Variants in SLC46A2 observed in about 807,000 individuals in gnomAD.
SLC46A2 encodes the protein solute carrier family 46 member 2.
Under a neutral mutation model 33.1 loss-of-function variants are expected in SLC46A2, and 25 were observed. The observed-to-expected ratio is 0.76, with a 90% CI of 0.55 to 1.06. SLC46A2 has a LOEUF of 1.06. Among genes scored for constraint, SLC46A2 ranks in the 50% least tolerant of loss-of-function variants. The pLI is 0.00. For synonymous variants in SLC46A2, 254 were observed against 275.9 expected (o/e 0.92, Z 0.79); for missense variants, 622 against 621.7 (o/e 1.00, Z 0.00).
chr9:112,883,571 G>A (rs1841608823), intron 3 of SLC46A2, among the ~76,000 whole-genome samples: 1 of 151,896 alleles, frequency 6.6e-6, no homozygotes, highest in African/African-American at 2.4e-5. Context: ...CTGTTTAAGA[G>A]TTTGCTGTTA....
chr9:112,889,976 G>GT lies in SLC46A2; in HGVS notation c.705dup (p.Pro236ThrfsTer24). The GT allele has an allele frequency of 6.2e-7, 1 of 1,614,176 alleles. No homozygotes were observed. Among genetic ancestry groups the GT allele is most frequent in the African/African-American group, 1.3e-5 (1 of 75,050 alleles). ...TCCACGGCGGGGAGCTCCTGGCTGG[G>GT]TTTGGCCACCGACTCAGGGACCTTT... On this transcript the variant is annotated frameshift_variant, in exon 1 of 4. Coordinates refer to ENST00000374228, the MANE Select transcript of SLC46A2 (RefSeq NM_033051.4). LOFTEE classifies it high-confidence loss of function.
At position 112,890,589 on chromosome 9, in the gene SLC46A2, C is replaced by T. The variant is rs531041114; in HGVS notation, c.93G>A (p.Val31=). The change falls in exon 1 of 4, where the codon GTG becomes GTA. Residue 31 remains valine, a synonymous_variant. Coordinates refer to ENST00000374228, the MANE Select transcript of SLC46A2 (RefSeq NM_033051.4). This position sits in a 1 kb window ranked among gnomAD's most constrained non-coding sequence, Gnocchi z 6.0. ...GCCCCGCATCGTAGAGGGAGGCAGC[C>T]ACCTGGGACGAGGCCACCACGGGCT... ...WVEPVVASSQ[V]AASLYDAGLL... The T allele has an allele frequency of 6.2e-6, 10 of 1,610,834 alleles. No homozygotes were observed. In the Admixed American group the frequency reaches 1.3e-4, roughly 21 times the overall value.
chr9:112,889,483 C>G (rs1373593122), intron 1 of SLC46A2, 70 bp downstream of exon 1: 20 of 1,491,182 alleles, frequency 1.3e-5, no homozygotes, highest in Non-Finnish European at 1.8e-5. Context: ...CAGACCATGG[C>G]ATCCCTGGTG....
rs760241809 is a variant in SLC46A2, at chr9:112,890,702, C to T, written c.-21G>A. 1.3e-6 allele frequency: 2 copies of T among 1,574,602 alleles called. No individual in the cohort carries two copies. Among genetic ancestry groups the T allele is most frequent in the South Asian group, 1.1e-5 (1 of 88,360 alleles). ...CTCATGTGACCTCTCTGATGGGGAT[C>T]GAAGGGCTTTCTGGCTGCAGTGACA... On this transcript the variant is annotated 5_prime_UTR_variant, in exon 1 of 4. Transcript: ENST00000374228. This position sits in a 1 kb window ranked among gnomAD's most constrained non-coding sequence, Gnocchi z 6.0.
At position 112,887,385 on chromosome 9, in the gene SLC46A2, G is replaced by A. The variant is rs983219058; in HGVS notation, c.1158C>T (p.Ile386=). 2 of 1,611,712 alleles carry A rather than the reference G, an allele frequency of 1.2e-6. No individual in the cohort carries two copies. The highest frequency in any genetic ancestry group is 1.7e-6 in the Non-Finnish European group (2 of 1,179,080). The change falls in exon 2 of 4, where the codon ATC becomes ATT. Residue 386 remains isoleucine (I), a synonymous_variant. Transcript: ENST00000374228. The part of the protein sequence containing the change: ...IARAVMLFAL[I]PVTTIRSAMS... ...TAGCTGATCGGATGGTTGTGACGGG[G>A]ATGAGAGCAAACAGCATGACGGCTC...
Position 112,889,760 on chromosome 9 carries a change from C to G in SLC46A2, c.922G>C (p.Val308Leu). ...VGTVDVIPLFVLREPLGWNQV... is the reference protein window; with the variant it reads ...VGTVDVIPLFLLREPLGWNQV... The stretch of plus-strand genomic sequence containing the variant: ...TTCCAACCGAGAGGCTCCCTCAGCA[C>G]AAAAAGAGGGATCACGTCCACTGTG... Residue 308 changes from valine to leucine, a missense_variant, in exon 1 of 4, where the codon GTG becomes CTG. Physicochemically the swap from Val to Leu is conservative, Grantham distance 32. Transcript: ENST00000374228. 6.2e-7 allele frequency: 1 copy of G among 1,614,086 alleles called. No homozygotes were observed. Among genetic ancestry groups the G allele is most frequent in the Non-Finnish European group, 8.5e-7 (1 of 1,180,018 alleles).
At chr9:112,883,416 C>A (rs1841606261) in intron 3 of SLC46A2, among the ~76,000 whole-genome samples, 1 of 152,100 alleles carries the variant, frequency 6.6e-6, no homozygotes, top group Non-Finnish European at 1.5e-5. Flanking sequence ...CACTTCCTAG[C>A]TGTGTACCCT....
At position 112,890,675 on chromosome 9, in the gene SLC46A2, G is replaced by T. The variant is rs539106130; in HGVS notation, c.7C>A (p.Pro3Thr). The T allele has an allele frequency of 6.3e-7, 1 of 1,595,852 alleles. No individual in the cohort carries two copies. Among genetic ancestry groups the T allele is most frequent in the East Asian group, 2.2e-5 (1 of 44,820 alleles). Residue 3 changes from proline (P) to threonine (T), a missense_variant, in exon 1 of 4, where the codon CCC becomes ACC. By Grantham distance (38) the Pro-to-Thr change is conservative. Transcript: ENST00000374228. This position sits in a 1 kb window ranked among gnomAD's most constrained non-coding sequence, Gnocchi z 6.0. MS[P>T]EVTCPRRGHL... is the part of the protein sequence containing the mutation. ...CCCCTCCGCGGGCAGGTGACCTCGG[G>T]GCTCATGTGACCTCTCTGATGGGGA...
At chr9:112,887,946 T>TGTGTGTGTGTGTGTGTGTGA in intron 1 of SLC46A2, among the ~76,000 whole-genome samples, 3 of 139,380 alleles carry the variant, frequency 2.2e-5, no homozygotes, top group South Asian at 2.4e-4. Flanking sequence ...TGTGTGTGTG[T>TGTGTGTGTGTGTGTGTGTGA]GAGAGAGAGA....
At chr9:112,888,499 C>T (rs1841674806) in intron 1 of SLC46A2, among the ~76,000 whole-genome samples, 1 of 152,062 alleles carries the variant, frequency 6.6e-6, no homozygotes, top group African/African-American at 2.4e-5. Flanking sequence ...GCCACTAGCC[C>T]CATATAACTA....
At chr9:112,888,283 CAAAA>C (rs1841671731) in intron 1 of SLC46A2, among the ~76,000 whole-genome samples, 1 of 133,004 alleles carries the variant, frequency 7.5e-6, no homozygotes, top group Non-Finnish European at 1.8e-5. Flanking sequence ...ATCTCAAAAA[CAAAA>C]CAAAACAAAA....
At position 112,879,500 on chromosome 9, in the gene SLC46A2, T is replaced by TCATG; in HGVS notation, c.*258_*261dup. Reference sequence around the variant, plus strand: ...TGCAGCCTGCCTGTAACCCTTAAGGTCATGCTCTGCTGTCACAGAACCCAG... The same window carrying TCATG: ...TGCAGCCTGCCTGTAACCCTTAAGGTCATGCATGCTCTGCTGTCACAGAACCCAG... On this transcript the variant is annotated 3_prime_UTR_variant, in exon 4 of 4. Coordinates refer to ENST00000374228, the MANE Select transcript of SLC46A2 (RefSeq NM_033051.4). 2.3e-6 allele frequency: 1 copy of TCATG among 443,874 alleles called. No individual in the cohort carries two copies. Among genetic ancestry groups the TCATG allele is most frequent in the East Asian group, 3.5e-5 (1 of 28,716 alleles). The allele number at this position is 443,874 out of a possible 1,614,324, so 27.5% of individuals were successfully genotyped here. A position where few individuals can be genotyped will look rare whatever the true frequency, so the allele number is the denominator to read the frequency against.
At chr9:112,886,700 G>A in intron 2 of SLC46A2, 84 bp from the exon 3 acceptor site, 2 of 1,438,558 alleles carry the variant, frequency 1.4e-6, no homozygotes, top group Non-Finnish European at 1.9e-6. Context: ...AGAGTTCTTA[G>A]GGGACCCTTC....
chr9:112,879,748 G>A lies in SLC46A2; in HGVS notation c.*14C>T. 1.2e-6 allele frequency: 2 copies of A among 1,610,052 alleles called. No individual in the cohort carries two copies. The highest frequency in any genetic ancestry group is 1.7e-6 in the Non-Finnish European group (2 of 1,176,730). On this transcript the variant is annotated 3_prime_UTR_variant, in exon 4 of 4. Coordinates refer to ENST00000374228, the MANE Select transcript of SLC46A2 (RefSeq NM_033051.4). ...GCCATGGCTGATGTTTTCAGTTCCT[G>A]CAGGTAAGCATCTTCATTTCTCTAT...
chr9:112,884,896 G>A (rs1588149495), intron 3 of SLC46A2, among the ~76,000 whole-genome samples: 1 of 152,050 alleles, frequency 6.6e-6, no homozygotes, highest in Non-Finnish European at 1.5e-5. Context: ...ATTTTCAAGC[G>A]GGCAAAAACT....
intron 3 of SLC46A2, among the ~76,000 whole-genome samples, chr9:112,883,985 G>A (rs1160537511): frequency 1.3e-5 from 2 of 152,138 alleles, no homozygotes; most frequent in African/African-American, 4.8e-5. Flanking sequence ...ATGAGCCATC[G>A]TGCCCAGCCT....
Position 112,879,678 on chromosome 9 carries a change from A to C in SLC46A2, c.*84T>G. On this transcript the variant is annotated 3_prime_UTR_variant, in exon 4 of 4. Coordinates refer to ENST00000374228, the MANE Select transcript of SLC46A2 (RefSeq NM_033051.4). ...AGGTTTCTTAAGCAGTGGGTTGCTT[A>C]GGTCACCAGTTCCCTGGTCCCTTCT... 7.6e-7 allele frequency: 1 copy of C among 1,310,620 alleles called. No homozygotes were observed. Among genetic ancestry groups the C allele is most frequent in the Non-Finnish European group, 1.1e-6 (1 of 915,776 alleles). The allele number at this position is 1,310,620 out of a possible 1,614,324, so 81.2% of individuals were successfully genotyped here.
chr9:112,880,922 A>G (rs751842522), intron 3 of SLC46A2, among the ~76,000 whole-genome samples: 4 of 152,118 alleles, frequency 2.6e-5, no homozygotes, highest in Non-Finnish European at 5.9e-5. Flanking sequence ...TTCCCATAAC[A>G]TCATGAGCCC....
intron 1 of SLC46A2, among the ~76,000 whole-genome samples, chr9:112,887,682 C>T (rs1190519378): frequency 6.6e-6 from 1 of 152,170 alleles, no homozygotes; most frequent in Admixed American, 6.5e-5. Flanking sequence ...TGTGTCTTTA[C>T]TGGTGGAGTT....
Sources: allele counts gnomAD v4.1 joint callset (sites outside exome capture counted in the v4.1 genomes callset), GRCh38; gene constraint gnomAD v4.1.1; non-coding constraint Gnocchi (gnomAD v3.1); transcripts MANE v1.5; gene names NCBI Gene and HGNC (gene_info 2026-07-23, HGNC 2026-07-21).